Variants in KCNA5 observed in about 807,000 individuals in gnomAD.
KCNA5 encodes the protein potassium voltage-gated channel subfamily A member 5.
KCNA5 carries 22 observed loss-of-function variants against 26.5 expected under a neutral mutation model. That is an observed-to-expected ratio of 0.83 (90% CI 0.59 to 1.18). KCNA5 has a LOEUF of 1.18. Among genes scored for constraint, KCNA5 ranks in the 50% most tolerant of loss-of-function variants. The pLI is 0.00. For synonymous variants in KCNA5, 465 were observed against 372.8 expected (o/e 1.25, Z -2.85); for missense variants, 916 against 843.2 (o/e 1.09, Z -1.07).
At position 5,044,324 on chromosome 12, in the gene KCNA5, C is replaced by A. The variant is rs766662760; in HGVS notation, c.177C>A (p.Asp59Glu). 18 of 1,550,930 alleles carry A rather than the reference C, an allele frequency of 1.2e-5. No homozygotes were observed. The South Asian group carries it at 2.1e-4, about 18-fold the overall frequency. ...PAPKGRGAQR[D>E]ADSGVRPLPP... ...CAAAGGGGCGCGGCGCGCAGAGAGA[C>A]GCGGACTCGGGAGTGCGGCCCTTGC... The change falls in exon 1 of 1, where the codon GAC becomes GAA. Residue 59 changes from aspartate (D) to glutamate (E), a missense_variant. Transcript: ENST00000252321.
Position 5,045,967 on chromosome 12 carries a change from C to A in KCNA5, c.1820C>A (p.Thr607Asn), listed in dbSNP as rs1164159252. 6.2e-7 allele frequency: 1 copy of A among 1,613,422 alleles called. No homozygotes were observed. Among genetic ancestry groups the A allele is most frequent in the Non-Finnish European group, 8.5e-7 (1 of 1,180,034 alleles). The change falls in exon 1 of 1, where the codon ACC (threonine) becomes AAC (asparagine). Residue 607 changes from threonine (T) to asparagine (N), a missense_variant. Coordinates refer to ENST00000252321, the MANE Select transcript of KCNA5 (RefSeq NM_002234.4). This position sits in a 1 kb window ranked among gnomAD's most constrained non-coding sequence, Gnocchi z 5.6. Reference sequence around the variant, plus strand: ...TCCCTTTATGCCCTCTGCCTGGACACCAGCCGGGAAACAGATTTGTGAAAG... The same window carrying A: ...TCCCTTTATGCCCTCTGCCTGGACAACAGCCGGGAAACAGATTTGTGAAAG... ...RRSLYALCLD[T>N]SRETDL
At position 5,044,256 on chromosome 12, in the gene KCNA5, C is replaced by G; in HGVS notation, c.109C>G (p.Pro37Ala). 1 of 1,540,676 alleles carries G rather than the reference C, an allele frequency of 6.5e-7. No individual in the cohort carries two copies. The highest frequency in any genetic ancestry group is 8.7e-7 in the Non-Finnish European group (1 of 1,148,692). ...GQATGGELQC[P>A]PTAGLSDGPK... is the part of the protein sequence containing the mutation. ...GGCCACAGGGGGAGAGCTCCAGTGT[C>G]CCCCGACGGCTGGGCTCAGCGATGG... The change falls in exon 1 of 1, where the codon CCC becomes GCC. Residue 37 changes from proline to alanine, a missense_variant. Pro to Ala is a conservative substitution (Grantham distance 27, BLOSUM62 -1). Coordinates refer to ENST00000252321, the MANE Select transcript of KCNA5 (RefSeq NM_002234.4).
Position 5,045,260 on chromosome 12 carries a change from C to T in KCNA5, c.1113C>T (p.Thr371=). ...TGGCCATCTTCCCCTACTTCATCACCCTGGGCACCGAACTGGCAGAGCAGC... is the reference window on the plus strand; with the variant it reads ...TGGCCATCTTCCCCTACTTCATCACTCTGGGCACCGAACTGGCAGAGCAGC... ...DVVAIFPYFI[T]LGTELAEQQP... is the part of the protein sequence containing the mutation. The change falls in exon 1 of 1, where the codon ACC becomes ACT. Residue 371 remains threonine, a synonymous_variant. Coordinates refer to ENST00000252321, the MANE Select transcript of KCNA5 (RefSeq NM_002234.4). The surrounding 1 kb of genome is among the most constrained non-coding windows in gnomAD (Gnocchi z 5.6). 2 of 1,614,194 alleles carry T rather than the reference C, an allele frequency of 1.2e-6. No homozygotes were observed. The highest frequency in any genetic ancestry group is 1.7e-5 in the Admixed American group (1 of 60,036).
rs768912404 is a variant in KCNA5 at position 5,044,837 on chromosome 12, C to T, written c.690C>T (p.Asn230=). ...IKEEEKPLPR[N]EFQRQVWLIF... ...AAGAGGAGAAGCCCCTGCCCCGCAA[C>T]GAGTTCCAGCGCCAGGTGTGGCTTA... Residue 230 remains asparagine (N), a synonymous_variant, in exon 1 of 1, where the codon AAC becomes AAT. Coordinates refer to ENST00000252321, the MANE Select transcript of KCNA5 (RefSeq NM_002234.4). The T allele has an allele frequency of 3.1e-6, 5 of 1,613,972 alleles. No homozygotes were observed. Among genetic ancestry groups the T allele is most frequent in the Non-Finnish European group, 4.2e-6 (5 of 1,180,048 alleles).
rs775655212 is a variant in KCNA5, at chr12:5,046,510, T to C, written c.*521T>C. 3.6e-5 allele frequency: 7 copies of C among 194,686 alleles called. No homozygotes were observed. The highest frequency in any genetic ancestry group is 8.4e-5 in the Non-Finnish European group (7 of 83,600). The allele number at this position is 194,686 out of a possible 1,614,324, so 12.1% of individuals were successfully genotyped here. The stretch of plus-strand genomic sequence containing the variant: ...TATGGAAGAAAGAGTTGTCCTGATG[T>C]TTTTCTGTGTTACTTATATTAGAGT... On this transcript the variant is annotated 3_prime_UTR_variant, in exon 1 of 1. Transcript: ENST00000252321.
At position 5,046,480 on chromosome 12, in the gene KCNA5, G is replaced by A. The variant is rs934009637; in HGVS notation, c.*491G>A. The A allele has an allele frequency of 4.9e-6, 1 of 204,376 alleles. No individual in the cohort carries two copies. Among genetic ancestry groups the A allele is most frequent in the South Asian group, 1.1e-4 (1 of 9,368 alleles). 12.7% of individuals were successfully genotyped at this position (204,376 alleles called of 1,614,324 possible). On this transcript the variant is annotated 3_prime_UTR_variant, in exon 1 of 1. Coordinates refer to ENST00000252321, the MANE Select transcript of KCNA5 (RefSeq NM_002234.4). ...TGGGTATATTTTCAAGATACATGTTGTATTTATGGAAGAAAGAGTTGTCCT... is the reference window on the plus strand; with the variant it reads ...TGGGTATATTTTCAAGATACATGTTATATTTATGGAAGAAAGAGTTGTCCT...
Position 5,045,125 on chromosome 12 carries a change from CGTG to C in KCNA5, c.980_982del (p.Val327del). 6.2e-7 allele frequency: 1 copy of C among 1,614,028 alleles called. No homozygotes were observed. Among genetic ancestry groups the C allele is most frequent in the Non-Finnish European group, 8.5e-7 (1 of 1,180,008 alleles). Reference sequence around the variant, plus strand: ...GGACCCTGGCCGACCCCTTCTTCATCGTGGAGACCACGTGCGTCATCTGGTTCA... The same window carrying C: ...GGACCCTGGCCGACCCCTTCTTCATCGAGACCACGTGCGTCATCTGGTTCA... On this transcript the variant is annotated inframe_deletion, in exon 1 of 1. Transcript: ENST00000252321. This position sits in a 1 kb window ranked among gnomAD's most constrained non-coding sequence, Gnocchi z 5.6.
Position 5,044,703 on chromosome 12 carries a change from C to T in KCNA5, c.556C>T (p.Arg186Trp). 3.1e-6 allele frequency: 5 copies of T among 1,614,138 alleles called. No homozygotes were observed. Among genetic ancestry groups the T allele is most frequent in the South Asian group, 1.1e-5 (1 of 91,078 alleles). The part of the protein sequence containing the change: ...LYYYQSGGRL[R>W]RPVNVSLDVF... ...CTACTACCAGTCCGGGGGCCGCCTG[C>T]GGAGGCCGGTCAACGTCTCCCTGGA... The change falls in exon 1 of 1, where the codon CGG becomes TGG. Residue 186 changes from arginine (R) to tryptophan (W), a missense_variant. Transcript: ENST00000252321.
rs1380425234 is a variant in KCNA5 at position 5,044,304 on chromosome 12, G to C, written c.157G>C (p.Gly53Arg). 1 of 1,549,132 alleles carries C rather than the reference G, an allele frequency of 6.5e-7. No individual in the cohort carries two copies. The highest frequency in any genetic ancestry group is 1.2e-5 in the South Asian group (1 of 85,116). Reference sequence around the variant, plus strand: ...TGGGCCCAAGGAGCCGGCGCCAAAGGGGCGCGGCGCGCAGAGAGACGCGGA... The same window carrying C: ...TGGGCCCAAGGAGCCGGCGCCAAAGCGGCGCGGCGCGCAGAGAGACGCGGA... ...SDGPKEPAPK[G>R]RGAQRDADSG... Residue 53 changes from glycine (G) to arginine (R), a missense_variant, in exon 1 of 1, where the codon GGG becomes CGG. Gly to Arg is a moderately radical substitution (Grantham distance 125). Coordinates refer to ENST00000252321, the MANE Select transcript of KCNA5 (RefSeq NM_002234.4).
Position 5,043,950 on chromosome 12 carries a change from G to C in KCNA5, c.-198G>C. The C allele has an allele frequency of 1.7e-6, 1 of 600,830 alleles. No individual in the cohort carries two copies. Among genetic ancestry groups the C allele is most frequent in the Non-Finnish European group, 2.9e-6 (1 of 345,264 alleles). 37.2% of individuals were successfully genotyped at this position (600,830 alleles called of 1,614,324 possible). On this transcript the variant is annotated 5_prime_UTR_variant, in exon 1 of 1. Coordinates refer to ENST00000252321, the MANE Select transcript of KCNA5 (RefSeq NM_002234.4). ...GCTGCTTGGTAACGGGCTGCCAGAA[G>C]AGAGAGAGGCAGAGAGCAGGGCAGC...
chr12:5,044,282 G>T lies in KCNA5; in HGVS notation c.135G>T (p.Gly45=), dbSNP rs749141270. 6.5e-7 allele frequency: 1 copy of T among 1,545,522 alleles called. No individual in the cohort carries two copies. The highest frequency in any genetic ancestry group is 8.7e-7 in the Non-Finnish European group (1 of 1,151,608). ...QCPPTAGLSD[G]PKEPAPKGRG... Reference sequence around the variant, plus strand: ...CCCCGACGGCTGGGCTCAGCGATGGGCCCAAGGAGCCGGCGCCAAAGGGGC... The same window carrying T: ...CCCCGACGGCTGGGCTCAGCGATGGTCCCAAGGAGCCGGCGCCAAAGGGGC... The change falls in exon 1 of 1, where the codon GGG becomes GGT. Residue 45 remains glycine (G), a synonymous_variant. Transcript: ENST00000252321.
rs147984046 is a variant in KCNA5, at chr12:5,044,654, G to T, written c.507G>T (p.Arg169=). Residue 169 remains arginine, a synonymous_variant, in exon 1 of 1, where the codon CGG becomes CGT. Coordinates refer to ENST00000252321, the MANE Select transcript of KCNA5 (RefSeq NM_002234.4). ...ACGAGTACTTCTTCGACCGCAACCGGCCCAGCTTCGACGGTATCCTCTACT... is the reference window on the plus strand; with the variant it reads ...ACGAGTACTTCTTCGACCGCAACCGTCCCAGCTTCGACGGTATCCTCTACT... ...LRNEYFFDRN[R]PSFDGILYYY... is the part of the protein sequence containing the mutation. 23 of 1,614,130 alleles carry T rather than the reference G, an allele frequency of 1.4e-5. No homozygotes were observed. The highest frequency in any genetic ancestry group is 1.7e-5 in the Non-Finnish European group (20 of 1,180,044).
At position 5,044,328 on chromosome 12, in the gene KCNA5, G is replaced by T. The variant is rs1051206663; in HGVS notation, c.181G>T (p.Asp61Tyr). The T allele has an allele frequency of 1.3e-6, 2 of 1,551,162 alleles. No homozygotes were observed. The highest frequency in any genetic ancestry group is 1.9e-5 in the Admixed American group (1 of 52,374). ...PKGRGAQRDA[D>Y]SGVRPLPPLP... ...GGGGCGCGGCGCGCAGAGAGACGCG[G>T]ACTCGGGAGTGCGGCCCTTGCCTCC... The change falls in exon 1 of 1, where the codon GAC (aspartate) becomes TAC (tyrosine). Residue 61 changes from aspartate (D) to tyrosine (Y), a missense_variant. Coordinates refer to ENST00000252321, the MANE Select transcript of KCNA5 (RefSeq NM_002234.4).
chr12:5,046,497 A>G lies in KCNA5; in HGVS notation c.*508A>G, dbSNP rs1056468. The stretch of plus-strand genomic sequence containing the variant: ...TACATGTTGTATTTATGGAAGAAAG[A>G]GTTGTCCTGATGTTTTTCTGTGTTA... On this transcript the variant is annotated 3_prime_UTR_variant, in exon 1 of 1. Transcript: ENST00000252321. The G allele has an allele frequency of 3.0e-5, 6 of 199,158 alleles. 1 individual carries two copies. In the Admixed American group the frequency reaches 3.2e-4, roughly 11 times the overall value. The allele number at this position is 199,158 out of a possible 1,614,324, so 12.3% of individuals were successfully genotyped here.
At position 5,045,464 on chromosome 12, in the gene KCNA5, C is replaced by T; in HGVS notation, c.1317C>T (p.Phe439=). The T allele has an allele frequency of 1.9e-6, 3 of 1,614,228 alleles. No individual in the cohort carries two copies. The highest frequency in any genetic ancestry group is 2.5e-6 in the Non-Finnish European group (3 of 1,180,048). The change falls in exon 1 of 1, where the codon TTC becomes TTT. Residue 439 remains phenylalanine (F), a synonymous_variant. Transcript: ENST00000252321. The surrounding 1 kb of genome is among the most constrained non-coding windows in gnomAD (Gnocchi z 5.6). ...ASMRELGLLI[F]FLFIGVILFS... ...TGAGGGAGCTGGGGCTGCTCATCTTCTTCCTCTTCATCGGGGTCATCCTCT... is the reference window on the plus strand; with the variant it reads ...TGAGGGAGCTGGGGCTGCTCATCTTTTTCCTCTTCATCGGGGTCATCCTCT...
Position 5,044,043 on chromosome 12 carries a change from C to A in KCNA5, c.-105C>A. The stretch of plus-strand genomic sequence containing the variant: ...ACCCCAGCTCTCCCCAGAGAGGGGC[C>A]GGCCGACCGCTGGAGCGGAGCCTGA... On this transcript the variant is annotated 5_prime_UTR_variant, in exon 1 of 1. Transcript: ENST00000252321. 7.6e-7 allele frequency: 1 copy of A among 1,323,618 alleles called. No individual in the cohort carries two copies. Among genetic ancestry groups the A allele is most frequent in the Non-Finnish European group, 1.0e-6 (1 of 964,228 alleles). 82.0% of individuals were successfully genotyped at this position (1,323,618 alleles called of 1,614,324 possible).
In KCNA5 at chr12:5,046,311, G is replaced by A. The variant is rs1862778355; in HGVS notation, c.*322G>A. On this transcript the variant is annotated 3_prime_UTR_variant, in exon 1 of 1. Coordinates refer to ENST00000252321, the MANE Select transcript of KCNA5 (RefSeq NM_002234.4). Reference sequence around the variant, plus strand: ...ACCCAAACAAAAATGACTCTAAATAGCCCAGATCCCAAGAGATTATGTAAC... The same window carrying A: ...ACCCAAACAAAAATGACTCTAAATAACCCAGATCCCAAGAGATTATGTAAC... 1 of 389,956 alleles carries A rather than the reference G, an allele frequency of 2.6e-6. No homozygotes were observed. The highest frequency in any genetic ancestry group is 5.0e-6 in the Non-Finnish European group (1 of 199,952). 24.2% of individuals were successfully genotyped at this position (389,956 alleles called of 1,614,324 possible).
chr12:5,044,012 C>T lies in KCNA5; in HGVS notation c.-136C>T, dbSNP rs958368664. ...GTCAGGGCCAAGCGAGGGGATCGCG[C>T]CAGCAACCCCAGCTCTCCCCAGAGA... is the stretch of plus-strand genomic sequence containing the variant. On this transcript the variant is annotated 5_prime_UTR_variant, in exon 1 of 1. Transcript: ENST00000252321. The T allele has an allele frequency of 1.1e-6, 1 of 926,270 alleles. No individual in the cohort carries two copies. The highest frequency in any genetic ancestry group is 1.6e-5 in the South Asian group (1 of 62,026). The allele number at this position is 926,270 out of a possible 1,614,324, so 57.4% of individuals were successfully genotyped here.
Position 5,044,867 on chromosome 12 carries a change from C to T in KCNA5, c.720C>T (p.Phe240=), listed in dbSNP as rs1862755191. ...NEFQRQVWLI[F]EYPESSGSAR... is the part of the protein sequence containing the mutation. ...TCCAGCGCCAGGTGTGGCTTATCTT[C>T]GAGTATCCGGAGAGCTCTGGGTCCG... Residue 240 remains phenylalanine (F), a synonymous_variant, in exon 1 of 1, where the codon TTC becomes TTT. Coordinates refer to ENST00000252321, the MANE Select transcript of KCNA5 (RefSeq NM_002234.4). 1.2e-6 allele frequency: 2 copies of T among 1,614,014 alleles called. No homozygotes were observed. The highest frequency in any genetic ancestry group is 2.2e-5 in the East Asian group (1 of 44,844).
Sources: allele counts gnomAD v4.1 joint callset, GRCh38; gene constraint gnomAD v4.1.1; non-coding constraint Gnocchi (gnomAD v3.1); transcripts MANE v1.5; gene names NCBI Gene and HGNC (gene_info 2026-07-23, HGNC 2026-07-21).